PREX1: variants seen among roughly 807,000 people sequenced by gnomAD.
PREX1 encodes phosphatidylinositol-3,4,5-trisphosphate dependent Rac exchange factor 1.
A neutral mutation model predicts 198.3 loss-of-function variants in PREX1; 41 were observed. The observed-to-expected ratio is 0.21, with a 90% CI of 0.16 to 0.27. The LOEUF (loss-of-function observed/expected upper bound fraction) is 0.27, where lower values mean the gene tolerates loss of function less well. PREX1 is among the 10% of genes least tolerant of loss of function. The pLI is 1.00. For synonymous variants in PREX1, 843 were observed against 887.2 expected (o/e 0.95, Z 0.89); for missense variants, 1,620 against 2,200.7 (o/e 0.74, Z 5.28).
At position 48,629,331 on chromosome 20, in the gene PREX1, G is replaced by A. The variant is rs936194802; in HGVS notation, c.4766+118C>T. ...TGCAGACAGAGCCAAGGCTCTACAG[G>A]CAATGGCAGAACCAGGATTGGAACC... is the stretch of plus-strand genomic sequence containing the variant. On this transcript the variant is annotated intron_variant, in intron 37 of 39. Transcript: ENST00000371941. 8.3e-6 allele frequency: 11 copies of A among 1,331,064 alleles called. No individual in the cohort carries two copies. In the East Asian group the frequency reaches 2.3e-4, roughly 28 times the overall value. The allele number at this position is 1,331,064 out of a possible 1,614,324, so 82.5% of individuals were successfully genotyped here.
chr20:48,636,025 C>T, intron 32 of PREX1, among the ~76,000 whole-genome samples: 1 of 152,204 alleles, frequency 6.6e-6, no homozygotes, highest in Non-Finnish European at 1.5e-5. Context: ...GCTCCAGGAG[C>T]CAACCTCAGA....
At position 48,700,797 on chromosome 20, in the gene PREX1, G is replaced by C; in HGVS notation, c.873C>G (p.Phe291Leu). ...AGACGAGAAGGTTGTCGAAGAGGAA[G>C]AAGGCCCTTTCCTGGATGTTGCCCG... is the stretch of plus-strand genomic sequence containing the variant. ...ISAGNIQERAFFLFDNLLVYC... is the reference protein window; with the variant it reads ...ISAGNIQERALFLFDNLLVYC... The change falls in exon 7 of 40, where the codon TTC (phenylalanine) becomes TTG (leucine). Residue 291 changes from phenylalanine to leucine, a missense_variant. By Grantham distance (22) the Phe-to-Leu change is conservative (BLOSUM62 0). Coordinates refer to ENST00000371941, the MANE Select transcript of PREX1 (RefSeq NM_020820.4). 6.2e-7 allele frequency: 1 copy of C among 1,613,996 alleles called. No homozygotes were observed. Among genetic ancestry groups the C allele is most frequent in the Non-Finnish European group, 8.5e-7 (1 of 1,180,030 alleles).
At chr20:48,768,254 T>C (rs1422759882) in intron 1 of PREX1, among the ~76,000 whole-genome samples, 2 of 152,130 alleles carry the variant, frequency 1.3e-5, no homozygotes, top group African/African-American at 4.8e-5. Flanking sequence ...CAATAAAAAC[T>C]CAAATTTTAA....
At chr20:48,715,107 A>C (rs901753336) in intron 5 of PREX1, among the ~76,000 whole-genome samples, 3 of 152,254 alleles carry the variant, frequency 2.0e-5, no homozygotes, top group Admixed American at 1.3e-4. Flanking sequence ...ATCCATATCC[A>C]AAGTGGAACA....
At chr20:48,794,900 T>C (rs1057158417) in intron 1 of PREX1, among the ~76,000 whole-genome samples, 2 of 152,214 alleles carry the variant, frequency 1.3e-5, no homozygotes, top group African/African-American at 4.8e-5. Flanking sequence ...CAGTATCTCA[T>C]AGGGGTTTTT....
chr20:48,830,279 T>G (rs1043966499), upstream of PREX1, among the ~76,000 whole-genome samples: 1 of 152,180 alleles, frequency 6.6e-6, no homozygotes, highest in Admixed American at 6.5e-5. Context: ...GGGAGCTTGC[T>G]TGAGCCCAGG....
At chr20:48,799,506 G>C (rs916720432) in intron 1 of PREX1, among the ~76,000 whole-genome samples, 2 of 152,212 alleles carry the variant, frequency 1.3e-5, no homozygotes, top group African/African-American at 4.8e-5. Flanking sequence ...CTATCACCCT[G>C]GAGACTGCAT....
At chr20:48,862,790 A>AATATATATAT in the PREX1 span, among the ~76,000 whole-genome samples, 752 of 102,494 alleles carry the variant, frequency 7.3e-3, 19 homozygotes, top group African/African-American at 0.025. Context: ...TAAAAAAAAA[A>AATATATATAT]ATATATATAT....
chr20:48,795,293 T>C (rs1822954012), intron 1 of PREX1, among the ~76,000 whole-genome samples: 1 of 152,026 alleles, frequency 6.6e-6, no homozygotes, highest in Non-Finnish European at 1.5e-5. Context: ...TCCTTATCTG[T>C]GGAATGGGAA....
At chr20:48,860,134 AC>A in the PREX1 span, among the ~76,000 whole-genome samples, 1 of 152,260 alleles carries the variant, frequency 6.6e-6, no homozygotes, top group Non-Finnish European at 1.5e-5. Context: ...CAAGTGTCCA[AC>A]CACAGATGAA....
At chr20:48,705,798 T>C (rs889275579) in intron 6 of PREX1, among the ~76,000 whole-genome samples, 1 of 152,236 alleles carries the variant, frequency 6.6e-6, no homozygotes, top group Non-Finnish European at 1.5e-5. Context: ...CACCTCACTT[T>C]ATCTTCCAAA....
chr20:48,643,320 T>G (rs1350917894), intron 27 of PREX1, among the ~76,000 whole-genome samples: 1 of 152,024 alleles, frequency 6.6e-6, no homozygotes, highest in African/African-American at 2.4e-5. Context: ...AATACAAAAA[T>G]TATCTGAATG....
Position 48,657,020 on chromosome 20 carries a change from C to T in PREX1, c.2123+20G>A, listed in dbSNP as rs756392955. On this transcript the variant is annotated intron_variant, in intron 18 of 39. Transcript: ENST00000371941. The stretch of plus-strand genomic sequence containing the variant: ...GCCTGAGAGGGAGGGCTGCCGGACA[C>T]CCCGCCCTGGGACACTCACTCTTTG... 7.7e-6 allele frequency: 12 copies of T among 1,567,946 alleles called. No individual in the cohort carries two copies. The highest frequency in any genetic ancestry group is 9.5e-6 in the Non-Finnish European group (11 of 1,156,058).
At chr20:48,860,167 C>T in the PREX1 span, among the ~76,000 whole-genome samples, 110 of 152,236 alleles carry the variant, frequency 7.2e-4, no homozygotes, top group Non-Finnish European at 1.2e-3. Flanking sequence ...AGTGTGGCAT[C>T]TACATGCAGT....
At chr20:48,698,073 A>C (rs1483546103) in intron 7 of PREX1, among the ~76,000 whole-genome samples, 5 of 152,184 alleles carry the variant, frequency 3.3e-5, no homozygotes, top group Non-Finnish European at 5.9e-5. Flanking sequence ...CTGGCTCTCC[A>C]TCCAGAGGCA....
At chr20:48,776,995 G>A (rs756393046) in intron 1 of PREX1, among the ~76,000 whole-genome samples, 10 of 152,136 alleles carry the variant, frequency 6.6e-5, no homozygotes, top group African/African-American at 2.2e-4. Context: ...CGAAAGGTCC[G>A]AGGGGTTTCT....
rs772093837 is a variant in PREX1, at chr20:48,708,241, C to T, written c.783+19G>A. 5 of 1,611,008 alleles carry T rather than the reference C, an allele frequency of 3.1e-6. No individual in the cohort carries two copies. The African/African-American group carries it at 6.7e-5, about 22-fold the overall frequency. On this transcript the variant is annotated intron_variant, in intron 6 of 39. Transcript: ENST00000371941. Reference sequence around the variant, plus strand: ...TGGCCCCCTGCGGCCCAGGAAGCCCCCTCCTGTCCTGTACACACCTCCCAG... The same window carrying T: ...TGGCCCCCTGCGGCCCAGGAAGCCCTCTCCTGTCCTGTACACACCTCCCAG...
At chr20:48,783,652 C>T (rs1488442683) in intron 1 of PREX1, among the ~76,000 whole-genome samples, 2 of 152,104 alleles carry the variant, frequency 1.3e-5, no homozygotes, top group Admixed American at 6.5e-5. Flanking sequence ...GGAGGAAAAC[C>T]GAGAGCCCAC....
intron 1 of PREX1, among the ~76,000 whole-genome samples, chr20:48,764,152 C>A (rs2090197341): frequency 6.6e-6 from 1 of 152,152 alleles, no homozygotes. Context: ...TTGTGACCCC[C>A]AAGCTCCACA....
Sources: gnomAD v4.1 joint callset for allele counts (sites outside exome capture counted in the v4.1 genomes callset) on GRCh38, gnomAD v4.1.1 for gene constraint, MANE v1.5 for transcripts, NCBI Gene and HGNC (gene_info 2026-07-23, HGNC 2026-07-21) for gene names.